The following RGS21 variants were observed in gnomAD, a reference collection of about 807,000 sequenced individuals.
The protein encoded by RGS21 is regulator of G protein signaling 21, also known as regulator of G-protein signalling 21.
In RGS21, 19 loss-of-function variants were observed where a neutral mutation model predicts 18.7. That is an observed-to-expected ratio of 1.01 (90% CI 0.71 to 1.49). The LOEUF (loss-of-function observed/expected upper bound fraction) is 1.49, where lower values mean the gene tolerates loss of function less well. RGS21 is among the 40% of genes most tolerant of loss of function. The pLI is 0.00. For missense variants in RGS21, 194 were observed against 176.8 expected, an observed-to-expected ratio of 1.10 and a Z score of -0.55; for synonymous variants, 56 against 57.8, an observed-to-expected ratio of 0.97 and a Z score of 0.14.
rs1659260560 is a variant in RGS21 at position 192,366,404 on chromosome 1, A to G, written c.*280A>G. 7.8e-6 allele frequency: 2 copies of G among 257,142 alleles called. No individual in the cohort carries two copies. Among genetic ancestry groups the G allele is most frequent in the Non-Finnish European group, 1.5e-5 (2 of 134,792 alleles). The allele number at this position is 257,142 out of a possible 1,614,324, so 15.9% of individuals were successfully genotyped here. A position where few individuals can be genotyped will look rare whatever the true frequency, so the allele number is the denominator to read the frequency against. On this transcript the variant is annotated 3_prime_UTR_variant, in exon 5 of 5. Coordinates refer to ENST00000417209, the MANE Select transcript of RGS21 (RefSeq NM_001039152.3). The stretch of plus-strand genomic sequence containing the variant: ...AACTGAATATTCTTATTATATTATA[A>G]TGTAAGGAATTATACATATCTTCAC...
chr1:192,364,263 G>T (rs1659224727), intron 4 of RGS21, among the ~76,000 whole-genome samples: 1 of 152,096 alleles, frequency 6.6e-6, no homozygotes, highest in Non-Finnish European at 1.5e-5. Context: ...GAACTTTGAT[G>T]AGGGACTCAA....
intron 1 of RGS21, among the ~76,000 whole-genome samples, chr1:192,330,998 T>C (rs1365291716): frequency 6.6e-6 from 1 of 152,210 alleles, no homozygotes; most frequent in Non-Finnish European, 1.5e-5. Context: ...GTGATTATGA[T>C]GTAGTAGATT....
chr1:192,345,395 A>G (rs1293456543), intron 2 of RGS21, among the ~76,000 whole-genome samples: 1 of 151,926 alleles, frequency 6.6e-6, no homozygotes, highest in East Asian at 1.9e-4. Context: ...ACTTTTTATC[A>G]CTGTAATTTA....
chr1:192,358,814 T>A (rs2102237340), intron 4 of RGS21, among the ~76,000 whole-genome samples: 1 of 152,242 alleles, frequency 6.6e-6, no homozygotes, highest in African/African-American at 2.4e-5. Context: ...CCAAAAGAAT[T>A]TAAGACTGCT....
At chr1:192,355,934 T>C (rs1429914201) in intron 4 of RGS21, among the ~76,000 whole-genome samples, 1 of 151,604 alleles carries the variant, frequency 6.6e-6, no homozygotes, top group Non-Finnish European at 1.5e-5. Flanking sequence ...ATTAGAATTA[T>C]AGTATCAAAT....
chr1:192,320,593 C>T (rs182686764), intron 1 of RGS21, among the ~76,000 whole-genome samples: 1 of 138,162 alleles, frequency 7.2e-6, no homozygotes, highest in Non-Finnish European at 1.6e-5. Context: ...GTAATAACCT[C>T]TCCAGAATTT....
chr1:192,359,678 TTC>T (rs1659160708), intron 4 of RGS21, among the ~76,000 whole-genome samples: 1 of 146,190 alleles, frequency 6.8e-6, no homozygotes, highest in South Asian at 2.2e-4. Flanking sequence ...TATATATATA[TTC>T]CTGTTTACCA....
intron 4 of RGS21, among the ~76,000 whole-genome samples, chr1:192,364,509 G>A (rs1463835728): frequency 6.6e-6 from 1 of 151,988 alleles, no homozygotes; most frequent in East Asian, 1.9e-4. Context: ...TTCACACTAT[G>A]GAAATTGAAA....
In RGS21 at chr1:192,366,199, T is replaced by C. The variant is rs1383721602; in HGVS notation, c.*75T>C. The C allele has an allele frequency of 1.1e-6, 1 of 879,982 alleles. No individual in the cohort carries two copies. The highest frequency in any genetic ancestry group is 1.8e-6 in the Non-Finnish European group (1 of 558,534). The allele number at this position is 879,982 out of a possible 1,614,324, so 54.5% of individuals were successfully genotyped here. ...AATATACAAGCATGATGCATTGTCTTTTGTTTTGTTTTTAGGATTTAGAAA... is the reference window on the plus strand; with the variant it reads ...AATATACAAGCATGATGCATTGTCTCTTGTTTTGTTTTTAGGATTTAGAAA... On this transcript the variant is annotated 3_prime_UTR_variant, in exon 5 of 5. Transcript: ENST00000417209.
chr1:192,341,426 C>T (rs1658859876), intron 1 of RGS21, among the ~76,000 whole-genome samples: 1 of 152,004 alleles, frequency 6.6e-6, no homozygotes, highest in Non-Finnish European at 1.5e-5. Context: ...ATTTAGATGT[C>T]CCAACAGTAT....
chr1:192,345,367 T>G (rs1420045579), intron 2 of RGS21, among the ~76,000 whole-genome samples: 1 of 152,078 alleles, frequency 6.6e-6, no homozygotes, highest in East Asian at 1.9e-4. Flanking sequence ...CTAATACAAT[T>G]TAGCTACACT....
intron 1 of RGS21, among the ~76,000 whole-genome samples, chr1:192,318,009 C>T (rs546682018): frequency 9.0e-4 from 136 of 151,118 alleles, no homozygotes; most frequent in African/African-American, 3.1e-3. Flanking sequence ...GTGGTTTGTA[C>T]CATGCCCTAA....
intron 3 of RGS21, among the ~76,000 whole-genome samples, chr1:192,350,246 T>C (rs1659020799): frequency 6.6e-6 from 1 of 152,198 alleles, no homozygotes; most frequent in Admixed American, 6.5e-5. Context: ...GCAAACTTAT[T>C]TCAAATAACT....
chr1:192,333,617 T>C (rs1658695395), intron 1 of RGS21, among the ~76,000 whole-genome samples: 1 of 126,428 alleles, frequency 7.9e-6, no homozygotes, highest in Admixed American at 8.9e-5. Flanking sequence ...TTTATAATAT[T>C]CTCAAAATGA....
At chr1:192,323,419 C>A (rs1658523168) in intron 1 of RGS21, among the ~76,000 whole-genome samples, 1 of 151,692 alleles carries the variant, frequency 6.6e-6, no homozygotes, top group South Asian at 2.1e-4. Context: ...GCACGTTAGG[C>A]AAAAGTTGTG....
At chr1:192,324,164 A>T (rs1312643823) in intron 1 of RGS21, among the ~76,000 whole-genome samples, 1 of 113,098 alleles carries the variant, frequency 8.8e-6, no homozygotes, top group East Asian at 2.0e-4. Context: ...CAGCATAAAG[A>T]GTTTTCTTTA....
At chr1:192,341,634 G>A (rs554010006) in intron 1 of RGS21, among the ~76,000 whole-genome samples, 3 of 152,164 alleles carry the variant, frequency 2.0e-5, no homozygotes, top group African/African-American at 7.2e-5. Context: ...GTGGTTTGTG[G>A]AAGGATTTAT....
intron 1 of RGS21, among the ~76,000 whole-genome samples, chr1:192,339,895 TCC>T (rs1462198638): frequency 1.5e-5 from 2 of 135,808 alleles, no homozygotes; most frequent in African/African-American, 6.3e-5. Flanking sequence ...TTCTGCTAAA[TCC>T]CCTTTACTTT....
intron 1 of RGS21, among the ~76,000 whole-genome samples, chr1:192,336,652 G>C (rs1329962897): frequency 1.3e-5 from 2 of 151,964 alleles, no homozygotes; most frequent in Non-Finnish European, 1.5e-5. Flanking sequence ...TCAAAAAAAT[G>C]AATGGTTGAA....
Sources: gnomAD v4.1 joint callset for allele counts (sites outside exome capture counted in the v4.1 genomes callset) on GRCh38, gnomAD v4.1.1 for gene constraint, MANE v1.5 for transcripts, NCBI Gene and HGNC (gene_info 2026-07-23, HGNC 2026-07-21) for gene names.